The following METTL2A variants were observed in gnomAD, a reference collection of about 807,000 sequenced individuals.
METTL2A encodes tRNA N(3)-cytidine methyltransferase METTL2A.
In METTL2A, 45 loss-of-function variants were observed where a neutral mutation model predicts 49.4. The ratio of observed to expected loss-of-function variants is 0.91; its 90% CI spans 0.72 to 1.17. The LOEUF is 1.17. Ranked by LOEUF, METTL2A falls within the 50% of genes most tolerant of loss-of-function variation. The pLI is 0.00. For synonymous variants in METTL2A, 118 were observed against 167.5 expected, an observed-to-expected ratio of 0.70 and a Z score of 2.28; for missense variants, 361 against 462.2, an observed-to-expected ratio of 0.78 and a Z score of 2.01.
rs1171511810 is a variant in METTL2A, at chr17:62,451,385, T to C, written c.*2656T>C. Among the ~76,000 whole-genome samples, 2 of 150,776 alleles carry C rather than the reference T, an allele frequency of 1.3e-5. No homozygotes were observed. The highest frequency in any genetic ancestry group is 2.4e-5 in the African/African-American group (1 of 41,222). On this transcript the variant is annotated 3_prime_UTR_variant, in exon 9 of 9. Coordinates refer to ENST00000311506, the MANE Select transcript of METTL2A (RefSeq NM_181725.4). ...CTGATCTCGAACTCCCGACCTCAGG[T>C]GATCTGCCCGCCTTGGCCTCCCAAA...
chr17:62,424,200 G>T lies in METTL2A; in HGVS notation c.111-19G>T, dbSNP rs748897719. ...AGCCAGGACGTGAGGCCCCTAAGCT[G>T]CCCGTTTGATTTTCTCAGGGACAAT... On this transcript the variant is annotated intron_variant, in intron 1 of 8. Coordinates refer to ENST00000311506, the MANE Select transcript of METTL2A (RefSeq NM_181725.4). 1.7e-5 allele frequency: 28 copies of T among 1,614,014 alleles called. No homozygotes were observed. The highest frequency in any genetic ancestry group is 1.9e-5 in the Non-Finnish European group (23 of 1,180,020).
intron 5 of METTL2A, among the ~76,000 whole-genome samples, chr17:62,437,844 C>T (rs1355538274): frequency 1.3e-5 from 2 of 152,024 alleles, no homozygotes; most frequent in Admixed American, 1.3e-4. Flanking sequence ...TGGTGGCACG[C>T]ACCTGTTGTC....
intron 1 of METTL2A, 29 bp downstream of exon 1, chr17:62,424,041 G>A (rs770767929): frequency 1.2e-6 from 2 of 1,608,908 alleles, no homozygotes; most frequent in Non-Finnish European, 8.5e-7. Flanking sequence ...CGCCCGGCCT[G>A]TCGCTGACCC....
At position 62,452,376 on chromosome 17, in the gene METTL2A, A is replaced by G. The variant is rs1371769607; in HGVS notation, c.*3647A>G. ...TGTCTGCCGGGTTCTGCCACTGTAA[A>G]GTTAATAAGTATTTTGTAGGGAAGT... is the stretch of plus-strand genomic sequence containing the variant. On this transcript the variant is annotated 3_prime_UTR_variant, in exon 9 of 9. Transcript: ENST00000311506. 6.6e-6 allele frequency among the ~76,000 whole-genome samples: 1 copy of G among 152,184 alleles called. No individual in the cohort carries two copies. Among genetic ancestry groups the G allele is most frequent in the East Asian group, 1.9e-4 (1 of 5,200 alleles).
chr17:62,440,920 C>A (rs1427053655), intron 6 of METTL2A, among the ~76,000 whole-genome samples, 164 bp downstream of exon 6: 1 of 152,190 alleles, frequency 6.6e-6, no homozygotes, highest in African/African-American at 2.4e-5. Context: ...ATCCTCCCTC[C>A]TCAGCTTCCC....
chr17:62,424,117 A>G, intron 1 of METTL2A, 102 bp from the exon 2 acceptor site: 9 of 1,586,580 alleles, frequency 5.7e-6, no homozygotes, highest in Non-Finnish European at 7.7e-6. Flanking sequence ...AAGCTGCCCT[A>G]CCCGAGGCAC....
At chr17:62,445,841 TG>T (rs2070764895) in intron 7 of METTL2A, among the ~76,000 whole-genome samples, 2 of 151,768 alleles carry the variant, frequency 1.3e-5, no homozygotes, top group African/African-American at 4.8e-5. Context: ...ATTTTAAATG[TG>T]GCATGACAAA....
chr17:62,448,689 A>G lies in METTL2A; in HGVS notation c.1097A>G (p.Gln366Arg). 1 of 1,614,180 alleles carries G rather than the reference A, an allele frequency of 6.2e-7. No homozygotes were observed. The highest frequency in any genetic ancestry group is 8.5e-7 in the Non-Finnish European group (1 of 1,180,048). ...CTGACAATGTACCGGGTTTGGATTC[A>G]GTGCAAATACTGCAAGCCCCTTCTG... ...KQLTMYRVWI[Q>R]CKYCKPLLSS... Residue 366 changes from glutamine to arginine, a missense_variant, in exon 9 of 9, where the codon CAG becomes CGG. Gln to Arg is a conservative substitution (Grantham distance 43). Around this residue, in one of 3 missense-constraint regions of METTL2A, gnomAD observed 183 missense variants for 216.5 expected, o/e 0.85. Coordinates refer to ENST00000311506, the MANE Select transcript of METTL2A (RefSeq NM_181725.4).
intron 7 of METTL2A, among the ~76,000 whole-genome samples, chr17:62,445,311 A>T (rs1487939693): frequency 1.3e-5 from 2 of 151,918 alleles, no homozygotes; most frequent in African/African-American, 4.8e-5. Flanking sequence ...AAAAAAAGGT[A>T]TTTGGCCACT....
chr17:62,437,971 C>CAAAAA (rs111441483), intron 5 of METTL2A, among the ~76,000 whole-genome samples: 3,625 of 133,456 alleles, frequency 0.027, 161 homozygotes, highest in African/African-American at 0.096. Context: ...GACTCCATCT[C>CAAAAA]AAAAAAAAAA....
chr17:62,435,318 T>C (rs1232116025), intron 5 of METTL2A, 26 bp downstream of exon 5: 6 of 1,613,174 alleles, frequency 3.7e-6, no homozygotes, highest in Non-Finnish European at 4.2e-6. Context: ...AATTACCTAT[T>C]GGTAATTTCC....
chr17:62,442,480 T>C (rs929769881), intron 6 of METTL2A, among the ~76,000 whole-genome samples: 4 of 152,158 alleles, frequency 2.6e-5, no homozygotes, highest in African/African-American at 9.7e-5. Flanking sequence ...GGTTTCACTA[T>C]GTTGGCCAGG....
chr17:62,451,220 C>T lies in METTL2A; in HGVS notation c.*2491C>T, dbSNP rs1420149900. ...GGAGTACAATGGCACAATTTCAGCTCACCGCAACCTCTGCCTCCCAAGTTT... is the reference window on the plus strand; with the variant it reads ...GGAGTACAATGGCACAATTTCAGCTTACCGCAACCTCTGCCTCCCAAGTTT... On this transcript the variant is annotated 3_prime_UTR_variant, in exon 9 of 9. Transcript: ENST00000311506. Among the ~76,000 whole-genome samples, 1 of 149,690 alleles carries T rather than the reference C, an allele frequency of 6.7e-6. No individual in the cohort carries two copies. Among genetic ancestry groups the T allele is most frequent in the Non-Finnish European group, 1.5e-5 (1 of 67,616 alleles).
Position 62,449,728 on chromosome 17 carries a change from A to AT in METTL2A, c.*999_*1000insT. ...CTGTCTCAAAAAAATAAAAATAAAA[A>AT]AAAAATCTTAGTTCCATGGAATTTT... On this transcript the variant is annotated 3_prime_UTR_variant, in exon 9 of 9. Transcript: ENST00000311506. 5.8e-6 allele frequency: 1 copy of AT among 172,200 alleles called. No homozygotes were observed. The highest frequency in any genetic ancestry group is 1.2e-5 in the Non-Finnish European group (1 of 80,266). 10.7% of individuals were successfully genotyped at this position (172,200 alleles called of 1,614,324 possible). A position where few individuals can be genotyped will look rare whatever the true frequency, so the allele number is the denominator to read the frequency against.
At chr17:62,440,425 C>T (rs1421029038) in intron 5 of METTL2A, among the ~76,000 whole-genome samples, 192 bp from the exon 6 acceptor site, 7 of 152,112 alleles carry the variant, frequency 4.6e-5, no homozygotes, top group Non-Finnish European at 7.4e-5. Context: ...GTGATCCTAT[C>T]GCGTGAACCC....
At chr17:62,427,688 T>C in intron 3 of METTL2A, 100 bp from the exon 4 acceptor site, 8 of 1,570,082 alleles carry the variant, frequency 5.1e-6, no homozygotes, top group African/African-American at 1.4e-5. Flanking sequence ...CCTAATACAG[T>C]TAGGCCAGAT....
At position 62,449,865 on chromosome 17, in the gene METTL2A, G is replaced by A. The variant is rs9904398; in HGVS notation, c.*1136G>A. 0.11 allele frequency: 16,488 copies of A among 156,952 alleles called. 2,247 individuals carry two copies. Among genetic ancestry groups the A allele is most frequent in the East Asian group, 0.43 (2,258 of 5,198 alleles). The allele number at this position is 156,952 out of a possible 1,614,324, so 9.7% of individuals were successfully genotyped here. The stretch of plus-strand genomic sequence containing the variant: ...TGGGAGGCTGAGGCAGGCGGATCAC[G>A]AGGTCAGGAGATCGAGACCATCCTG... On this transcript the variant is annotated 3_prime_UTR_variant, in exon 9 of 9. Transcript: ENST00000311506.
intron 2 of METTL2A, among the ~76,000 whole-genome samples, chr17:62,425,662 G>A (rs974907882): frequency 1.4e-5 from 2 of 147,588 alleles, no homozygotes; most frequent in Admixed American, 6.8e-5. Context: ...TGGGATTACA[G>A]GCATGAGCCA....
rs2070691766 is a variant in METTL2A, at chr17:62,435,122, G to C, written c.609-110G>C. 4.7e-6 allele frequency: 7 copies of C among 1,476,262 alleles called. No homozygotes were observed. In the South Asian group the frequency reaches 8.4e-5, roughly 18 times the overall value. 91.4% of individuals were successfully genotyped at this position (1,476,262 alleles called of 1,614,324 possible). On this transcript the variant is annotated intron_variant, in intron 4 of 8. Coordinates refer to ENST00000311506, the MANE Select transcript of METTL2A (RefSeq NM_181725.4). ...TGTGACTAATAGATACAGTTTATTT[G>C]AATGAATGATAGTTTTTCCCATTTG... is the stretch of plus-strand genomic sequence containing the variant.
Sources: allele counts gnomAD v4.1 joint callset (sites outside exome capture counted in the v4.1 genomes callset), GRCh38; gene constraint gnomAD v4.1.1; regional missense constraint gnomAD v4.1.1; transcripts MANE v1.5; gene names NCBI Gene and HGNC (gene_info 2026-07-23, HGNC 2026-07-21).